The following ATP13A5 variants were observed in gnomAD, a reference collection of about 807,000 sequenced individuals.
ATP13A5 encodes the protein probable cation-transporting ATPase 13A5.
Under a neutral mutation model 150.2 loss-of-function variants are expected in ATP13A5, and 149 were observed. The observed-to-expected ratio is 0.99, with a 90% confidence interval of 0.87 to 1.14. The LOEUF (loss-of-function observed/expected upper bound fraction) is 1.14. Among genes scored for constraint, ATP13A5 ranks in the 50% most tolerant of loss-of-function variants. The probability of loss-of-function intolerance (pLI) is 0.00; values close to 1 mark genes in which losing one functional copy is unlikely to be tolerated. For synonymous variants in ATP13A5, 497 were observed against 522.2 expected (o/e 0.95, Z 0.66); for missense variants, 1,383 against 1,449.3 (o/e 0.95, Z 0.74).
At position 193,327,049 on chromosome 3, in the gene ATP13A5, A is replaced by C; in HGVS notation, c.1470T>G (p.Thr490=). The C allele has an allele frequency of 6.2e-7, 1 of 1,606,274 alleles. No individual in the cohort carries two copies. The highest frequency in any genetic ancestry group is 8.5e-7 in the Non-Finnish European group (1 of 1,178,330). The change falls in exon 13 of 30, where the codon ACT becomes ACG. Residue 490 remains threonine (T), a synonymous_variant. Coordinates refer to ENST00000342358, the MANE Select transcript of ATP13A5 (RefSeq NM_198505.4). ...AGAGGTCCAGCCCATCTTCAGTGAG[A>C]GTGCCAGTCTGAGTAAAAATTAAAA... is the stretch of plus-strand genomic sequence containing the variant. ...INLVCFDKTG[T]LTEDGLDLWG...
At chr3:193,328,490 A>T (rs1352127980) in intron 12 of ATP13A5, among the ~76,000 whole-genome samples, 1 of 152,228 alleles carries the variant, frequency 6.6e-6, no homozygotes, top group East Asian at 1.9e-4. Flanking sequence ...TGTTTTCCTG[A>T]TGATGTTTTT....
At chr3:193,378,561 C>T in intron 1 of ATP13A5, 102 bp downstream of exon 1, 5 of 1,058,522 alleles carry the variant, frequency 4.7e-6, no homozygotes, top group Admixed American at 2.0e-5. Context: ...GGTCCTAAAG[C>T]CTGAAGCATA....
intron 23 of ATP13A5, among the ~76,000 whole-genome samples, chr3:193,301,910 C>T (rs76906451): frequency 0.012 from 1,837 of 152,048 alleles, 42 homozygotes; most frequent in Admixed American, 0.05. Context: ...GAGATCAAGA[C>T]GACAGTAAAA....
chr3:193,281,452 T>C (rs912830536), intron 27 of ATP13A5, among the ~76,000 whole-genome samples: 2 of 152,230 alleles, frequency 1.3e-5, no homozygotes, highest in African/African-American at 4.8e-5. Context: ...TTGCTGCTGC[T>C]GAGGAAACAT....
chr3:193,314,433 A>G lies in ATP13A5; in HGVS notation c.2159-240T>C, dbSNP rs192957805. 244 of 462,640 alleles carry G rather than the reference A, an allele frequency of 5.3e-4. 1 individual carries two copies. Among genetic ancestry groups the G allele is most frequent in the African/African-American group, 4.2e-3 (214 of 51,198 alleles). 28.7% of individuals were successfully genotyped at this position (462,640 alleles called of 1,614,324 possible). ...TGTATTTCAAAACATGTGTGAATTA[A>G]TAAAGAAATACTTAAGCATTTATGA... On this transcript the variant is annotated intron_variant, in intron 18 of 29. Transcript: ENST00000342358.
At chr3:193,371,335 G>A (rs912166971) in intron 1 of ATP13A5, among the ~76,000 whole-genome samples, 8 of 152,132 alleles carry the variant, frequency 5.3e-5, no homozygotes, top group East Asian at 1.9e-4. Flanking sequence ...GGGGCTTTTC[G>A]TTGCCTTACA....
At chr3:193,306,925 T>G (rs1718640611) in intron 22 of ATP13A5, among the ~76,000 whole-genome samples, 1 of 152,198 alleles carries the variant, frequency 6.6e-6, no homozygotes, top group African/African-American at 2.4e-5. Context: ...AAAACTTTAA[T>G]CATCAGTTTC....
intron 21 of ATP13A5, 83 bp from the exon 22 acceptor site, chr3:193,307,452 A>T: frequency 6.5e-7 from 1 of 1,532,796 alleles, no homozygotes; most frequent in Non-Finnish European, 9.0e-7. Flanking sequence ...ACTAAGTCAC[A>T]TGTGATTTGT....
chr3:193,350,100 G>C lies in ATP13A5; in HGVS notation c.741+967C>G, dbSNP rs146213352. On this transcript the variant is annotated intron_variant, in intron 7 of 29. Coordinates refer to ENST00000342358, the MANE Select transcript of ATP13A5 (RefSeq NM_198505.4). ...TGAATTATAATTATTTATTTACTTG[G>C]TGAATTGCCATTATATATAAAGTGA... 1.7e-4 allele frequency among the ~76,000 whole-genome samples: 26 copies of C among 151,972 alleles called. No individual in the cohort carries two copies. In the East Asian group the frequency reaches 4.2e-3, roughly 25 times the overall value.
chr3:193,278,511 T>C (rs1717327643), intron 28 of ATP13A5, among the ~76,000 whole-genome samples: 1 of 152,194 alleles, frequency 6.6e-6, no homozygotes, highest in Non-Finnish European at 1.5e-5. Context: ...TTGATTTCTG[T>C]CTCTGCCACC....
chr3:193,373,370 C>A (rs967572791), intron 1 of ATP13A5, among the ~76,000 whole-genome samples: 3 of 152,100 alleles, frequency 2.0e-5, no homozygotes, highest in African/African-American at 7.2e-5. Flanking sequence ...TCTCAAACTC[C>A]TGACCTCAGG....
chr3:193,367,578 C>G (rs1713281226), intron 1 of ATP13A5, among the ~76,000 whole-genome samples: 1 of 152,006 alleles, frequency 6.6e-6, no homozygotes, highest in African/African-American at 2.4e-5. Context: ...TAAAATAATT[C>G]TAAAATAGAT....
intron 15 of ATP13A5, 65 bp from the exon 16 acceptor site, chr3:193,321,902 A>G: frequency 6.4e-7 from 1 of 1,560,760 alleles, no homozygotes; most frequent in Non-Finnish European, 8.8e-7. Flanking sequence ...ATGCATACCA[A>G]CAAAAGGGCT....
intron 28 of ATP13A5, among the ~76,000 whole-genome samples, chr3:193,277,429 C>T (rs1160135160): frequency 2.0e-5 from 3 of 152,146 alleles, no homozygotes; most frequent in African/African-American, 7.2e-5. Context: ...CCCACGGCTG[C>T]ATCCATAGCA....
At chr3:193,284,072 G>A (rs1037076285) in intron 27 of ATP13A5, among the ~76,000 whole-genome samples, 1 of 151,336 alleles carries the variant, frequency 6.6e-6, no homozygotes, top group Non-Finnish European at 1.5e-5. Flanking sequence ...CCAGGCTGGA[G>A]TGTAGTGGTG....
intron 18 of ATP13A5, 78 bp downstream of exon 18, chr3:193,314,894 A>C: frequency 6.5e-7 from 1 of 1,546,464 alleles, no homozygotes; most frequent in African/African-American, 1.4e-5. Context: ...CTGATACATG[A>C]ACTCACTCAG....
chr3:193,369,896 A>C (rs1713383717), intron 1 of ATP13A5, among the ~76,000 whole-genome samples: 1 of 152,186 alleles, frequency 6.6e-6, no homozygotes, highest in Non-Finnish European at 1.5e-5. Context: ...CAGCTCAGTC[A>C]ATGATAACAG....
chr3:193,279,503 A>G, intron 27 of ATP13A5, 49 bp from the exon 28 acceptor site: 1 of 1,503,738 alleles, frequency 6.7e-7, no homozygotes, highest in Non-Finnish European at 9.2e-7. Flanking sequence ...AATGTTTCAT[A>G]TAATTTGGCA....
In ATP13A5 at chr3:193,331,103, C is replaced by T. The variant is rs750905554; in HGVS notation, c.1461+20G>A. 3 of 1,607,818 alleles carry T rather than the reference C, an allele frequency of 1.9e-6. No homozygotes were observed. The highest frequency in any genetic ancestry group is 2.6e-6 in the Non-Finnish European group (3 of 1,176,128). ...TGCCTTGAAATCATTAACATTAAAC[C>T]TGAGAAGTCTGGATCATACTTTGTC... On this transcript the variant is annotated intron_variant, in intron 12 of 29. Transcript: ENST00000342358.
Sources: allele counts gnomAD v4.1 joint callset (sites outside exome capture counted in the v4.1 genomes callset), GRCh38; gene constraint gnomAD v4.1.1; transcripts MANE v1.5; gene names NCBI Gene and HGNC (gene_info 2026-07-23, HGNC 2026-07-21).